MIER2: variants seen among roughly 807,000 people sequenced by gnomAD.
MIER2 encodes MIER family member 2.
MIER2 carries 30 observed loss-of-function variants against 67.6 expected under a neutral mutation model. The observed-to-expected ratio is 0.44, with a 90% CI of 0.33 to 0.60. MIER2 has a LOEUF of 0.60. Among genes scored for constraint, MIER2 ranks in the 20% least tolerant of loss-of-function variants. The pLI, the probability that MIER2 is intolerant of heterozygous loss-of-function variation, is 0.02. For missense variants in MIER2, 702 were observed against 745.1 expected (o/e 0.94, Z 0.67); for synonymous variants, 372 against 312.6 (o/e 1.19, Z -2.00).
Position 336,853 on chromosome 19 carries a change from T to C in MIER2, c.10-680A>G, listed in dbSNP as rs546985949. Among the ~76,000 whole-genome samples the C allele has an allele frequency of 6.8e-4, 104 of 152,024 alleles. 1 individual carries two copies. The highest frequency in any genetic ancestry group is 1.9e-3 in the South Asian group (9 of 4,814). On this transcript the variant is annotated intron_variant, in intron 1 of 13. Coordinates refer to ENST00000264819, the MANE Select transcript of MIER2 (RefSeq NM_017550.3). The stretch of plus-strand genomic sequence containing the variant: ...TTATCACAATGTTCAATATCTCTCT[T>C]TTTTTTTGAGACAGAGCCTTGCTCT...
intron 7 of MIER2, among the ~76,000 whole-genome samples, chr19:323,866 T>A (rs544364903): frequency 1.0e-4 from 15 of 148,220 alleles, no homozygotes; most frequent in Admixed American, 2.0e-4. Flanking sequence ...ACAGGCGTCA[T>A]CACAATGCAA....
chr19:323,114 GA>G (rs1402773361), intron 7 of MIER2, among the ~76,000 whole-genome samples: 2 of 151,044 alleles, frequency 1.3e-5, no homozygotes, highest in Non-Finnish European at 2.9e-5. Flanking sequence ...CGACTCGAAT[GA>G]CACAGGCGTC....
At chr19:311,140 A>G (rs577502860) in intron 10 of MIER2, among the ~76,000 whole-genome samples, 79 of 152,344 alleles carry the variant, frequency 5.2e-4, no homozygotes, top group African/African-American at 1.8e-3. Context: ...GGCAGAAGCA[A>G]GGCTCGGCAA....
At chr19:307,009 T>C in intron 13 of MIER2, 110 bp downstream of exon 13, 2 of 1,291,170 alleles carry the variant, frequency 1.5e-6, no homozygotes, top group South Asian at 3.0e-5. Context: ...GGAGCCACAC[T>C]GTCCTCGGGT....
At chr19:333,814 G>A (rs1371035165) in intron 3 of MIER2, among the ~76,000 whole-genome samples, 4 of 148,594 alleles carry the variant, frequency 2.7e-5, no homozygotes, top group East Asian at 4.0e-4. Context: ...TCAGCCTCCC[G>A]AGTAGCTGGG....
intron 1 of MIER2, among the ~76,000 whole-genome samples, chr19:339,775 G>A (rs1360203448): frequency 2.0e-5 from 3 of 151,452 alleles, no homozygotes; most frequent in Non-Finnish European, 1.5e-5. Flanking sequence ...CAAATTCGTA[G>A]AGACAGAAAA....
chr19:321,974 G>A lies in MIER2; in HGVS notation c.655+3661C>T, dbSNP rs113352329. Among the ~76,000 whole-genome samples, 973 of 151,890 alleles carry A rather than the reference G, an allele frequency of 6.4e-3. 3 individuals are homozygous for A. The highest frequency in any genetic ancestry group is 0.012 in the Non-Finnish European group (794 of 67,964). On this transcript the variant is annotated intron_variant, in intron 7 of 13. Coordinates refer to ENST00000264819, the MANE Select transcript of MIER2 (RefSeq NM_017550.3). The stretch of plus-strand genomic sequence containing the variant: ...GGCTGGAGTGCAGTGGCGCGATCTC[G>A]GCTCACTGCAAGCTCCGCCTCCCGG...
intron 1 of MIER2, among the ~76,000 whole-genome samples, chr19:341,152 G>A (rs775287283): frequency 2.5e-4 from 38 of 152,294 alleles, no homozygotes; most frequent in South Asian, 1.7e-3. Context: ...GGTAGGGGTC[G>A]AGGACAGGTT....
chr19:343,773 T>C (rs1972610734), intron 1 of MIER2: 1 of 913,176 alleles, frequency 1.1e-6, no homozygotes, highest in Non-Finnish European at 1.3e-6. Context: ...TGAGTCCCAC[T>C]GACTGAGCAC....
intron 7 of MIER2, among the ~76,000 whole-genome samples, chr19:316,185 TC>T (rs768199116): frequency 2.0e-5 from 3 of 152,238 alleles, no homozygotes; most frequent in Non-Finnish European, 4.4e-5. Flanking sequence ...AGGAAGTTCT[TC>T]CGGCTGAAGG....
At chr19:319,075 G>GT (rs1491462228) in intron 7 of MIER2, among the ~76,000 whole-genome samples, 1 of 130,066 alleles carries the variant, frequency 7.7e-6, no homozygotes, top group African/African-American at 3.0e-5. Context: ...AAAAAAATCA[G>GT]TAAAAAGGCT....
intron 7 of MIER2, among the ~76,000 whole-genome samples, chr19:324,070 C>T (rs906039503): frequency 2.4e-5 from 3 of 125,946 alleles, no homozygotes; most frequent in African/African-American, 3.4e-5. Context: ...ACAAGACACA[C>T]ACAACCACGC....
Position 308,449 on chromosome 19 carries a change from A to G in MIER2, c.1198+128T>C. The G allele has an allele frequency of 1.0e-6, 1 of 985,186 alleles. No homozygotes were observed. The highest frequency in any genetic ancestry group is 1.5e-6 in the Non-Finnish European group (1 of 679,648). The allele number at this position is 985,186 out of a possible 1,614,324, so 61.0% of individuals were successfully genotyped here. A position where few individuals can be genotyped will look rare whatever the true frequency, so the allele number is the denominator to read the frequency against. ...ATCACGTGGCTGCCCTCCGCCACCC[A>G]GACGCCCACTCCTCCTGGCGAGGCT... On this transcript the variant is annotated intron_variant, in intron 12 of 13. Transcript: ENST00000264819. This position sits in a 1 kb window ranked among gnomAD's most constrained non-coding sequence, Gnocchi z 9.1.
rs779511875 is a variant in MIER2 at position 308,550 on chromosome 19, G to A, written c.1198+27C>T. The A allele has an allele frequency of 3.2e-6, 5 of 1,568,652 alleles. No homozygotes were observed. The highest frequency in any genetic ancestry group is 2.7e-5 in the African/African-American group (2 of 74,190). ...GGCTCCAGACCCGTGGCCGCCCCCAGGGCAGGAGATACTCCCCAAGCCTCA... is the reference window on the plus strand; with the variant it reads ...GGCTCCAGACCCGTGGCCGCCCCCAAGGCAGGAGATACTCCCCAAGCCTCA... On this transcript the variant is annotated intron_variant, in intron 12 of 13. Coordinates refer to ENST00000264819, the MANE Select transcript of MIER2 (RefSeq NM_017550.3). The surrounding 1 kb of genome is among the most constrained non-coding windows in gnomAD (Gnocchi z 9.1).
At chr19:331,590 G>C (rs1972027875) in intron 3 of MIER2, among the ~76,000 whole-genome samples, 1 of 152,106 alleles carries the variant, frequency 6.6e-6, no homozygotes, top group South Asian at 2.1e-4. Flanking sequence ...CATCCCTTGA[G>C]CCCAGGAGTT....
At chr19:321,268 T>A (rs535287690) in intron 7 of MIER2, among the ~76,000 whole-genome samples, 50 of 152,272 alleles carry the variant, frequency 3.3e-4, no homozygotes, top group Non-Finnish European at 5.4e-4. Context: ...ACTGAGTGCA[T>A]GAGATACATA....
intron 7 of MIER2, among the ~76,000 whole-genome samples, chr19:317,568 T>TAAAAA (rs1971305888): frequency 1.8e-5 from 2 of 111,490 alleles, no homozygotes; most frequent in African/African-American, 7.4e-5. Context: ...ATAAATAAAA[T>TAAAAA]AAAAATACAA....
intron 7 of MIER2, among the ~76,000 whole-genome samples, chr19:316,025 C>T (rs576773363): frequency 2.0e-5 from 3 of 152,300 alleles, no homozygotes; most frequent in South Asian, 2.1e-4. Flanking sequence ...ACAGCCAAAA[C>T]GCAATGGAGT....
At chr19:340,820 C>G (rs1020982857) in intron 1 of MIER2, among the ~76,000 whole-genome samples, 3 of 152,126 alleles carry the variant, frequency 2.0e-5, no homozygotes, top group Non-Finnish European at 4.4e-5. Flanking sequence ...CAGGACCCAT[C>G]CAGCTTTAGA....
Sources: allele counts gnomAD v4.1 joint callset (sites outside exome capture counted in the v4.1 genomes callset), GRCh38; gene constraint gnomAD v4.1.1; non-coding constraint Gnocchi (gnomAD v3.1); transcripts MANE v1.5; gene names NCBI Gene and HGNC (gene_info 2026-07-23, HGNC 2026-07-21).